Variants in BAIAP2L1 observed in about 807,000 individuals in gnomAD.
BAIAP2L1 encodes the protein BAR/IMD domain-containing adapter protein 2-like 1.
In BAIAP2L1, 35 loss-of-function variants were observed where a neutral mutation model predicts 66.3. That is an observed-to-expected ratio of 0.53 (90% CI 0.40 to 0.70). BAIAP2L1 has a LOEUF of 0.70. BAIAP2L1 is among the 30% of genes least tolerant of loss of function. BAIAP2L1 has a pLI of 0.00. For synonymous variants in BAIAP2L1, 269 were observed against 248.7 expected (o/e 1.08, Z -0.77); for missense variants, 622 against 656.9 (o/e 0.95, Z 0.58).
rs1475952991 is a variant in BAIAP2L1, at chr7:98,355,039, C to A, written c.214+3G>T. ...TTTATGTATAAAGGGACAGATCGCT[C>A]ACCCAGTTCAGTTGACACGGGGGAC... On this transcript the variant is annotated splice_donor_region_variant and intron_variant, in intron 3 of 13. Coordinates refer to ENST00000005260, the MANE Select transcript of BAIAP2L1 (RefSeq NM_018842.5). The A allele has an allele frequency of 6.2e-7, 1 of 1,610,752 alleles. No homozygotes were observed. The highest frequency in any genetic ancestry group is 1.1e-5 in the South Asian group (1 of 91,032).
intron 1 of BAIAP2L1, among the ~76,000 whole-genome samples, chr7:98,380,331 G>C (rs1802724932): frequency 1.3e-5 from 2 of 152,016 alleles, no homozygotes; most frequent in African/African-American, 2.4e-5. Context: ...ACATACCCAA[G>C]ACTGGGAAGA....
At chr7:98,338,496 T>C (rs969629870) in intron 3 of BAIAP2L1, among the ~76,000 whole-genome samples, 1 of 151,412 alleles carries the variant, frequency 6.6e-6, no homozygotes, top group African/African-American at 2.4e-5. Context: ...AGCCTCAAAA[T>C]CTGCCTTCTC....
Position 98,386,179 on chromosome 7 carries a change from A to G in BAIAP2L1, c.51+14623T>C. On this transcript the variant is annotated intron_variant, in intron 1 of 13. Coordinates refer to ENST00000005260, the MANE Select transcript of BAIAP2L1 (RefSeq NM_018842.5). ...TTTTTTAGTAAAACCAACACAGAAC[A>G]GACGAAGCAAGTAACCATCGGTAGT... 2.6e-6 allele frequency: 4 copies of G among 1,565,228 alleles called. No homozygotes were observed. In the South Asian group the frequency reaches 3.3e-5, roughly 13 times the overall value.
intron 1 of BAIAP2L1, among the ~76,000 whole-genome samples, chr7:98,381,033 C>T (rs1300013489): frequency 3.3e-5 from 5 of 152,160 alleles, no homozygotes; most frequent in African/African-American, 9.7e-5. Context: ...TGGACACGCA[C>T]CACTGGTCTG....
chr7:98,344,174 T>C lies in BAIAP2L1; in HGVS notation c.214+10868A>G, dbSNP rs1245780715. 2.0e-5 allele frequency among the ~76,000 whole-genome samples: 3 copies of C among 152,130 alleles called. No homozygotes were observed. The East Asian group carries it at 5.9e-4, about 30-fold the overall frequency. ...GCCTGACGACAGAGCAAGACTCCGTTCCAAAAAACAAACAAACAACTTTCT... is the reference window on the plus strand; with the variant it reads ...GCCTGACGACAGAGCAAGACTCCGTCCCAAAAAACAAACAAACAACTTTCT... On this transcript the variant is annotated intron_variant, in intron 3 of 13. Coordinates refer to ENST00000005260, the MANE Select transcript of BAIAP2L1 (RefSeq NM_018842.5).
At chr7:98,394,199 C>T (rs915603483) in intron 1 of BAIAP2L1, among the ~76,000 whole-genome samples, 3 of 152,098 alleles carry the variant, frequency 2.0e-5, no homozygotes, top group Non-Finnish European at 4.4e-5. Flanking sequence ...GCAGAGATCT[C>T]GCCACTGCAC....
chr7:98,293,978 T>C, intron 13 of BAIAP2L1, 96 bp downstream of exon 13: 2 of 1,396,112 alleles, frequency 1.4e-6, no homozygotes, highest in Non-Finnish European at 2.0e-6. Context: ...TTTCTCAGGC[T>C]GGACCCCCTG....
intron 10 of BAIAP2L1, 159 bp downstream of exon 10, chr7:98,307,530 C>T: frequency 1.4e-6 from 2 of 1,454,468 alleles, no homozygotes; most frequent in South Asian, 2.9e-5. Flanking sequence ...CAGAAAATAG[C>T]CTGGGATCGA....
intron 2 of BAIAP2L1, 43 bp from the exon 3 acceptor site, chr7:98,355,171 G>C (rs368354141): frequency 1.4e-6 from 2 of 1,387,552 alleles, no homozygotes; most frequent in Non-Finnish European, 2.0e-6. Context: ...CTTAGACAAG[G>C]AAAGGAGGAA....
intron 1 of BAIAP2L1, among the ~76,000 whole-genome samples, chr7:98,378,458 A>G (rs1802682461): frequency 6.6e-6 from 1 of 152,180 alleles, no homozygotes; most frequent in Non-Finnish European, 1.5e-5. Context: ...AACAGGTCAC[A>G]TCCATTCCCA....
chr7:98,328,090 G>C (rs1295278646), intron 3 of BAIAP2L1, among the ~76,000 whole-genome samples: 3 of 151,870 alleles, frequency 2.0e-5, no homozygotes, highest in Non-Finnish European at 2.9e-5. Flanking sequence ...TATAAGTCTA[G>C]AATGGATTGC....
intron 1 of BAIAP2L1, among the ~76,000 whole-genome samples, chr7:98,398,824 T>C (rs1356341208): frequency 1.3e-5 from 2 of 152,168 alleles, no homozygotes; most frequent in Non-Finnish European, 2.9e-5. Context: ...TCAGAACACC[T>C]GACTGCTGGT....
intron 1 of BAIAP2L1, 42 bp downstream of exon 1, chr7:98,400,760 T>G (rs1386034897): frequency 6.5e-7 from 1 of 1,545,536 alleles, no homozygotes; most frequent in East Asian, 2.5e-5. Flanking sequence ...AACCCCGAGG[T>G]GGAAAGCCCT....
chr7:98,363,264 A>C (rs1584486937), intron 1 of BAIAP2L1, among the ~76,000 whole-genome samples: 2 of 151,610 alleles, frequency 1.3e-5, no homozygotes, highest in African/African-American at 4.8e-5. Context: ...CGAACTCCTG[A>C]CCTCAGGTTA....
chr7:98,299,862 G>A (rs1454267959), intron 12 of BAIAP2L1, among the ~76,000 whole-genome samples: 2 of 151,928 alleles, frequency 1.3e-5, no homozygotes, highest in South Asian at 2.1e-4. Context: ...CCAACATGGT[G>A]AAACCCCGTA....
rs115416819 is a variant in BAIAP2L1, at chr7:98,385,736, T to G, written c.51+15066A>C. ...GCCAGGAATCAACATTTCTTTTTTT[T>G]GTTGTTTTTTTTTTCACAAATAGCA... On this transcript the variant is annotated intron_variant, in intron 1 of 13. Transcript: ENST00000005260. 2.3e-3 allele frequency: 2,611 copies of G among 1,114,676 alleles called. 33 individuals carry two copies. In the African/African-American group the frequency reaches 0.033, roughly 14 times the overall value. The allele number at this position is 1,114,676 out of a possible 1,614,324, so 69.0% of individuals were successfully genotyped here.
At chr7:98,338,670 G>A (rs934040888) in intron 3 of BAIAP2L1, among the ~76,000 whole-genome samples, 4 of 152,012 alleles carry the variant, frequency 2.6e-5, no homozygotes, top group South Asian at 2.1e-4. Context: ...ATTCTTTTTC[G>A]TGGGTAAATA....
chr7:98,398,017 T>C (rs1251323055), intron 1 of BAIAP2L1, among the ~76,000 whole-genome samples: 1 of 152,244 alleles, frequency 6.6e-6, no homozygotes, highest in African/African-American at 2.4e-5. Flanking sequence ...ATCATTCTAC[T>C]TTATAATTCC....
chr7:98,383,863 A>C (rs185854241), intron 1 of BAIAP2L1, among the ~76,000 whole-genome samples: 1 of 152,240 alleles, frequency 6.6e-6, no homozygotes, highest in East Asian at 1.9e-4. Flanking sequence ...GAATGAAGAA[A>C]GAGCTCCAGG....
Sources: gnomAD v4.1 joint callset for allele counts (sites outside exome capture counted in the v4.1 genomes callset) on GRCh38, gnomAD v4.1.1 for gene constraint, MANE v1.5 for transcripts, NCBI Gene and HGNC (gene_info 2026-07-23, HGNC 2026-07-21) for gene names.